GLMN: variants seen among roughly 807,000 people sequenced by gnomAD.
The protein encoded by GLMN is glomulin.
Under a neutral mutation model 87.8 loss-of-function variants are expected in GLMN, and 75 were observed. That is an observed-to-expected ratio of 0.85 (90% CI 0.71 to 1.04). The LOEUF (loss-of-function observed/expected upper bound fraction) is 1.04. Among genes scored for constraint, GLMN ranks in the 50% least tolerant of loss-of-function variants. The pLI, the probability that GLMN is intolerant of heterozygous loss-of-function variation, is 0.00. For synonymous variants in GLMN, 206 were observed against 221.6 expected (o/e 0.93, Z 0.63); for missense variants, 588 against 658.8 (o/e 0.89, Z 1.18).
chr1:92,300,709 A>G (rs1650778248), upstream of GLMN, among the ~76,000 whole-genome samples: 1 of 152,222 alleles, frequency 6.6e-6, no homozygotes, highest in Admixed American at 6.5e-5. Context: ...GAAGGGGATT[A>G]AAAGCATATG....
the GLMN span, among the ~76,000 whole-genome samples, chr1:92,307,516 TTAACTC>T: frequency 5.3e-5 from 8 of 152,206 alleles, no homozygotes; most frequent in South Asian, 2.1e-4. Context: ...AATCAGAACT[TTAACTC>T]CAGTGTCCTG....
At chr1:92,299,555 C>A (rs146530793), upstream of GLMN, among the ~76,000 whole-genome samples, 1 of 152,128 alleles carries the variant, frequency 6.6e-6, no homozygotes, top group Non-Finnish European at 1.5e-5. Flanking sequence ...CCTCTTCCCC[C>A]AGAGAGGACG....
chr1:92,254,442 G>T (rs1031387271), intron 16 of GLMN, among the ~76,000 whole-genome samples: 4 of 152,132 alleles, frequency 2.6e-5, no homozygotes, highest in African/African-American at 9.7e-5. Context: ...TCCTCGGGAA[G>T]AGCAACCCCA....
rs748792063 is a variant in GLMN, at chr1:92,291,401, T to C, written c.285+17A>G. Reference sequence around the variant, plus strand: ...GCTGTGTGTTATGATAAAGAGAACCTTGTTTTGTTAACTTACCTTTACCAA... The same window carrying C: ...GCTGTGTGTTATGATAAAGAGAACCCTGTTTTGTTAACTTACCTTTACCAA... On this transcript the variant is annotated intron_variant, in intron 4 of 18. Coordinates refer to ENST00000370360, the MANE Select transcript of GLMN (RefSeq NM_053274.3). 1.3e-6 allele frequency: 2 copies of C among 1,537,820 alleles called. No homozygotes were observed. The highest frequency in any genetic ancestry group is 1.8e-6 in the Non-Finnish European group (2 of 1,111,046).
intron 7 of GLMN, among the ~76,000 whole-genome samples, chr1:92,279,008 C>G (rs1014054925): frequency 3.3e-5 from 5 of 152,072 alleles, no homozygotes; most frequent in Non-Finnish European, 5.9e-5. Flanking sequence ...TTCAGTTCAC[C>G]CCTTTTAGTA....
intron 3 of GLMN, among the ~76,000 whole-genome samples, chr1:92,295,478 A>C (rs1649940563): frequency 6.6e-6 from 1 of 152,154 alleles, no homozygotes; most frequent in Admixed American, 6.5e-5. Context: ...AAAATTTCTA[A>C]AAGTCAACTC....
chr1:92,261,775 T>C (rs1655069128), intron 16 of GLMN, among the ~76,000 whole-genome samples: 1 of 151,628 alleles, frequency 6.6e-6, no homozygotes, highest in South Asian at 2.1e-4. Flanking sequence ...GGAGAAAGTA[T>C]GCTGACGTCT....
the GLMN span, among the ~76,000 whole-genome samples, chr1:92,356,276 CTAT>C: frequency 1.3e-5 from 2 of 151,842 alleles, no homozygotes; most frequent in Non-Finnish European, 2.9e-5. Flanking sequence ...CATGCCCAGC[CTAT>C]TATTTATATT....
intron 7 of GLMN, among the ~76,000 whole-genome samples, chr1:92,274,183 T>C (rs916374907): frequency 3.3e-5 from 5 of 152,166 alleles, no homozygotes; most frequent in African/African-American, 9.7e-5. Flanking sequence ...GCAATGTTCC[T>C]TCTACTGAGA....
At chr1:92,263,774 G>C (rs1655300114) in intron 14 of GLMN, 42 bp from the exon 15 acceptor site, 4 of 917,694 alleles carry the variant, frequency 4.4e-6, no homozygotes, top group Non-Finnish European at 5.5e-6. Context: ...TATAATTCAT[G>C]TAATTCATGT....
rs146058361 is a variant in GLMN at position 92,285,380 on chromosome 1, C to T, written c.735+1110G>A. On this transcript the variant is annotated intron_variant, in intron 7 of 18. Transcript: ENST00000370360. ...ATCACAAGAACAGAAAACCAAACAC[C>T]GCAGGTTCTTACTCATTGGTAGGAG... Among the ~76,000 whole-genome samples the T allele has an allele frequency of 6.0e-3, 919 of 152,096 alleles. 9 individuals carry two copies. The highest frequency in any genetic ancestry group is 0.02 in the African/African-American group (810 of 41,482).
intron 2 of GLMN, 171 bp from the exon 3 acceptor site, chr1:92,297,700 C>T (rs1475937952): frequency 7.6e-6 from 5 of 657,534 alleles, no homozygotes; most frequent in Non-Finnish European, 1.3e-5. Context: ...CTAATAAATA[C>T]TTTAATAAGT....
chr1:92,346,770 A>G, the GLMN span, among the ~76,000 whole-genome samples: 2 of 152,184 alleles, frequency 1.3e-5, no homozygotes, highest in Non-Finnish European at 2.9e-5. Flanking sequence ...AGTGGTTTCT[A>G]AGGCTATTTA....
chr1:92,325,160 T>C, the GLMN span, among the ~76,000 whole-genome samples: 2,352 of 152,266 alleles, frequency 0.015, 30 homozygotes, highest in Non-Finnish European at 0.026. Context: ...CCATCTTTGA[T>C]TGATGTATAC....
At chr1:92,363,419 C>T in the GLMN span, among the ~76,000 whole-genome samples, 196 of 152,284 alleles carry the variant, frequency 1.3e-3, 6 homozygotes, top group East Asian at 0.035. Flanking sequence ...ACTACATCTT[C>T]TGAGACAGGA....
the GLMN span, among the ~76,000 whole-genome samples, chr1:92,349,283 G>A: frequency 6.6e-6 from 1 of 152,168 alleles, no homozygotes; most frequent in South Asian, 2.1e-4. Flanking sequence ...AATATGTTCA[G>A]TAGAACTGTT....
chr1:92,255,845 TAAAAG>T (rs939872365), intron 16 of GLMN, among the ~76,000 whole-genome samples: 5 of 151,760 alleles, frequency 3.3e-5, no homozygotes, highest in African/African-American at 1.2e-4. Context: ...ACATCACAAT[TAAAAG>T]AAATAGAGAG....
In GLMN at chr1:92,266,508, CAAT is replaced by C. The variant is rs1655651485; in HGVS notation, c.1141-19_1141-17del. 3.5e-6 allele frequency: 5 copies of C among 1,441,462 alleles called. No homozygotes were observed. The highest frequency in any genetic ancestry group is 4.9e-6 in the Non-Finnish European group (5 of 1,026,630). 89.3% of individuals were successfully genotyped at this position (1,441,462 alleles called of 1,614,324 possible). On this transcript the variant is annotated splice_polypyrimidine_tract_variant and intron_variant, in intron 12 of 18. Coordinates refer to ENST00000370360, the MANE Select transcript of GLMN (RefSeq NM_053274.3). ...TCTTTTTCCTCTAAAATGGAACAAACAATATTATTATATAAAATGAATAAAGCT... is the reference window on the plus strand; with the variant it reads ...TCTTTTTCCTCTAAAATGGAACAAACATTATTATATAAAATGAATAAAGCT...
intron 5 of GLMN, 115 bp downstream of exon 5, chr1:92,290,083 A>G: frequency 1.4e-6 from 1 of 719,334 alleles, no homozygotes; most frequent in Non-Finnish European, 2.6e-6. Context: ...GTTTAAGCAG[A>G]GTACTCACTA....
Sources: gnomAD v4.1 joint callset for allele counts (sites outside exome capture counted in the v4.1 genomes callset) on GRCh38, gnomAD v4.1.1 for gene constraint, MANE v1.5 for transcripts, NCBI Gene and HGNC (gene_info 2026-07-23, HGNC 2026-07-21) for gene names.